The following CPQ variants were observed in gnomAD, a reference collection of about 807,000 sequenced individuals.
CPQ encodes Ser-Met dipeptidase.
Under a neutral mutation model 45.7 loss-of-function variants are expected in CPQ, and 37 were observed. The observed-to-expected ratio is 0.81, with a 90% CI of 0.62 to 1.07. The LOEUF (loss-of-function observed/expected upper bound fraction) is 1.07. Among genes scored for constraint, CPQ ranks in the 50% least tolerant of loss-of-function variants. The pLI is 0.00. For missense variants in CPQ, 537 were observed against 572.9 expected (o/e 0.94, Z 0.64); for synonymous variants, 186 against 205.8 (o/e 0.90, Z 0.82).
intron 4 of CPQ, among the ~76,000 whole-genome samples, chr8:96,945,346 G>A (rs933115301): frequency 6.6e-6 from 1 of 152,168 alleles, no homozygotes; most frequent in Non-Finnish European, 1.5e-5. Context: ...GTTTCATAAT[G>A]CAGATAGTAT....
chr8:96,989,149 G>A (rs560673246), intron 5 of CPQ, among the ~76,000 whole-genome samples: 23 of 152,202 alleles, frequency 1.5e-4, no homozygotes, highest in Admixed American at 6.5e-4. Flanking sequence ...AGAAGGCAGG[G>A]CCTCTGCAGT....
intron 3 of CPQ, among the ~76,000 whole-genome samples, chr8:96,847,718 A>C (rs1249674682): frequency 6.6e-6 from 1 of 152,112 alleles, no homozygotes; most frequent in Non-Finnish European, 1.5e-5. Context: ...CAATGTATAG[A>C]ATATGCAAAT....
At chr8:97,024,806 A>G (rs1160088124) in intron 5 of CPQ, among the ~76,000 whole-genome samples, 6 of 152,224 alleles carry the variant, frequency 3.9e-5, no homozygotes, top group African/African-American at 1.4e-4. Flanking sequence ...AGGAATATAA[A>G]TCTCTTTAAG....
chr8:96,900,888 C>G (rs1812504264), intron 4 of CPQ, among the ~76,000 whole-genome samples: 1 of 152,100 alleles, frequency 6.6e-6, no homozygotes, highest in Admixed American at 6.6e-5. Context: ...CCTGTTTTAC[C>G]CATGAAGGAC....
intron 4 of CPQ, among the ~76,000 whole-genome samples, chr8:96,902,127 A>T (rs1812519512): frequency 6.6e-6 from 1 of 152,142 alleles, no homozygotes; most frequent in Admixed American, 6.5e-5. Flanking sequence ...ATAGACTGGG[A>T]TCAGTTCAGG....
chr8:97,120,333 T>C (rs1811680159), intron 7 of CPQ, among the ~76,000 whole-genome samples: 1 of 151,628 alleles, frequency 6.6e-6, no homozygotes, highest in Admixed American at 6.6e-5. Context: ...ATTTGCTCTA[T>C]AAAATGATTC....
chr8:96,943,150 C>G (rs1173527714), intron 4 of CPQ, among the ~76,000 whole-genome samples: 3 of 152,134 alleles, frequency 2.0e-5, no homozygotes, highest in African/African-American at 7.2e-5. Flanking sequence ...TTTGGAAAGC[C>G]TCTAGCACTT....
chr8:96,672,495 G>A (rs1809017048), intron 1 of CPQ, among the ~76,000 whole-genome samples: 1 of 152,132 alleles, frequency 6.6e-6, no homozygotes, highest in Non-Finnish European at 1.5e-5. Context: ...ATAAAGCAAA[G>A]GAGTTGGAAA....
chr8:96,693,805 G>GA lies in CPQ; in HGVS notation c.-35+48410dup, dbSNP rs200470723. ...ACTCAGTGGTTATAGTAAGTACACA[G>GA]AAAAAAATGGAATATTATAACACTG... is the stretch of plus-strand genomic sequence containing the variant. On this transcript the variant is annotated intron_variant, in intron 1 of 7. Transcript: ENST00000220763. Among the ~76,000 whole-genome samples the GA allele has an allele frequency of 4.1e-3, 624 of 152,004 alleles. 2 individuals carry two copies. The highest frequency in any genetic ancestry group is 5.6e-3 in the Non-Finnish European group (377 of 67,920).
intron 1 of CPQ, among the ~76,000 whole-genome samples, chr8:96,755,944 A>T (rs117113600): frequency 1.3e-5 from 2 of 152,096 alleles, no homozygotes; most frequent in Non-Finnish European, 2.9e-5. Flanking sequence ...GTGCAGCAGG[A>T]TATCAAATTA....
At position 97,052,706 on chromosome 8, in the gene CPQ, C is replaced by T. The variant is rs189463585; in HGVS notation, c.1054-13303C>T. 1.3e-4 allele frequency among the ~76,000 whole-genome samples: 20 copies of T among 152,054 alleles called. 1 individual carries two copies. Among genetic ancestry groups the T allele is most frequent in the Admixed American group, 1.2e-3 (19 of 15,268 alleles). On this transcript the variant is annotated intron_variant, in intron 6 of 7. Transcript: ENST00000220763. ...GAGAATATATTCAGCCCTGTTTTCA[C>T]CTGAGAAGGAGGAGATTTTGCCACC...
chr8:97,063,479 G>C (rs1213634807), intron 6 of CPQ, among the ~76,000 whole-genome samples: 2 of 151,852 alleles, frequency 1.3e-5, no homozygotes, highest in Admixed American at 6.6e-5. Context: ...TCTTAATTAG[G>C]TTCCATCTGT....
At chr8:96,990,819 T>C (rs2853274) in intron 5 of CPQ, among the ~76,000 whole-genome samples, 47,862 of 152,086 alleles carry the variant, frequency 0.31, 7,613 homozygotes, top group South Asian at 0.39. Flanking sequence ...GGGTAGCAGG[T>C]GACCCCTAGG....
Position 97,109,027 on chromosome 8 carries a change from T to C in CPQ, c.1256-33993T>C, listed in dbSNP as rs145274813. ...TCAGAGATGCTCTCCTTCAAATATC[T>C]TGAGCATTAAATTTACCTTAGTTGA... is the stretch of plus-strand genomic sequence containing the variant. On this transcript the variant is annotated intron_variant, in intron 7 of 7. Coordinates refer to ENST00000220763, the MANE Select transcript of CPQ (RefSeq NM_016134.4). Among the ~76,000 whole-genome samples the C allele has an allele frequency of 4.3e-3, 651 of 152,286 alleles. 1 individual carries two copies. The highest frequency in any genetic ancestry group is 0.014 in the African/African-American group (600 of 41,562).
At chr8:96,811,848 T>G (rs1056735019) in intron 2 of CPQ, among the ~76,000 whole-genome samples, 6 of 152,200 alleles carry the variant, frequency 3.9e-5, no homozygotes, top group Non-Finnish European at 8.8e-5. Context: ...CCAATACTTA[T>G]GCTTATTTAT....
intron 2 of CPQ, among the ~76,000 whole-genome samples, chr8:96,814,805 A>G (rs925690027): frequency 2.0e-5 from 3 of 152,202 alleles, no homozygotes; most frequent in Admixed American, 6.5e-5. Flanking sequence ...TGGTATAGCC[A>G]TACAACAGAA....
chr8:96,711,175 A>T (rs879409124), intron 1 of CPQ, among the ~76,000 whole-genome samples: 2 of 151,920 alleles, frequency 1.3e-5, no homozygotes, highest in Non-Finnish European at 1.5e-5. Context: ...ATTTGCATGG[A>T]TTAACTTTTT....
At chr8:96,891,143 T>C (rs1415776812) in intron 4 of CPQ, among the ~76,000 whole-genome samples, 1 of 152,210 alleles carries the variant, frequency 6.6e-6, no homozygotes, top group Non-Finnish European at 1.5e-5. Context: ...TTTTTAGCCA[T>C]AGAGTGAGTG....
chr8:96,701,069 TTTTAAG>T (rs1417231933), intron 1 of CPQ, among the ~76,000 whole-genome samples: 1 of 152,140 alleles, frequency 6.6e-6, no homozygotes, highest in Non-Finnish European at 1.5e-5. Context: ...AATGAAACCA[TTTTAAG>T]TTTATTTTAC....
Sources: allele counts gnomAD v4.1 joint callset (sites outside exome capture counted in the v4.1 genomes callset), GRCh38; gene constraint gnomAD v4.1.1; transcripts MANE v1.5; gene names NCBI Gene and HGNC (gene_info 2026-07-23, HGNC 2026-07-21).